The following IGF2BP3 variants were observed in gnomAD, a reference collection of about 807,000 sequenced individuals.
IGF2BP3 encodes the protein insulin-like growth factor 2 mRNA-binding protein 3.
IGF2BP3 carries 9 observed loss-of-function variants against 73.8 expected under a neutral mutation model. The ratio of observed to expected loss-of-function variants is 0.12; its 90% CI spans 0.07 to 0.21. The LOEUF is 0.21. Among genes scored for constraint, IGF2BP3 ranks in the 10% least tolerant of loss-of-function variants. IGF2BP3 has a pLI of 1.00. For synonymous variants in IGF2BP3, 258 were observed against 256.7 expected (o/e 1.01, Z -0.05); for missense variants, 542 against 714.0 (o/e 0.76, Z 2.75).
At chr7:23,314,140 C>T (rs1783909386) in intron 12 of IGF2BP3, among the ~76,000 whole-genome samples, 1 of 151,934 alleles carries the variant, frequency 6.6e-6, no homozygotes, top group South Asian at 2.1e-4. Flanking sequence ...CTACCTCAGC[C>T]TCCTGAGTAG....
rs756424235 is a variant in IGF2BP3 at position 23,351,457 on chromosome 7, C to T, written c.531G>A (p.Arg177=). 1 of 1,613,788 alleles carries T rather than the reference C, an allele frequency of 6.2e-7. No homozygotes were observed. Among genetic ancestry groups the T allele is most frequent in the South Asian group, 1.1e-5 (1 of 91,022 alleles). ...CTGGAGACCCCTGCCTTGAGGAGCC[C>T]CTCTGCCCAAGCCCCCGGCGACCTC... ...QPRGRRGLGQ[R]GSSRQGSPGS... is the part of the protein sequence containing the mutation. The change falls in exon 6 of 15, where the codon AGG becomes AGA. Residue 177 remains arginine (R), a synonymous_variant. Transcript: ENST00000258729.
intron 2 of IGF2BP3, among the ~76,000 whole-genome samples, chr7:23,458,171 C>A (rs1788364810): frequency 6.6e-6 from 1 of 152,120 alleles, no homozygotes; most frequent in Non-Finnish European, 1.5e-5. Context: ...ATTCTAACTT[C>A]CCAAGACCTC....
chr7:23,374,852 G>A (rs910046295), intron 3 of IGF2BP3, among the ~76,000 whole-genome samples: 1 of 152,088 alleles, frequency 6.6e-6, no homozygotes, highest in Non-Finnish European at 1.5e-5. Context: ...TTAAAGCTAG[G>A]TGTCTGGGGG....
rs1055617075 is a variant in IGF2BP3, at chr7:23,345,970, T to C, written c.911A>G (p.Gln304Arg). ...TATCGTGATTTTAGTGTCTGTGTCTTGCTCAATTTTTTTAAGATTTCTTCC... is the reference window on the plus strand; with the variant it reads ...TATCGTGATTTTAGTGTCTGTGTCTCGCTCAATTTTTTTAAGATTTCTTCC... ...KEGRNLKKIEQDTDTKITISP... is the reference protein window; with the variant it reads ...KEGRNLKKIERDTDTKITISP... Residue 304 changes from glutamine (Q) to arginine (R), a missense_variant, in exon 8 of 15, where the codon CAA (glutamine) becomes CGA (arginine). Coordinates refer to ENST00000258729, the MANE Select transcript of IGF2BP3 (RefSeq NM_006547.3). 1.3e-5 allele frequency: 21 copies of C among 1,613,232 alleles called. No individual in the cohort carries two copies. The highest frequency in any genetic ancestry group is 1.8e-4 in the Middle Eastern group (1 of 5,712).
chr7:23,399,270 C>A (rs940861321), intron 3 of IGF2BP3, among the ~76,000 whole-genome samples: 5 of 152,070 alleles, frequency 3.3e-5, no homozygotes, highest in African/African-American at 1.2e-4. Context: ...TTGATCTATA[C>A]CTCTGTTTTG....
At chr7:23,425,565 G>T (rs1418259896) in intron 2 of IGF2BP3, among the ~76,000 whole-genome samples, 1 of 151,892 alleles carries the variant, frequency 6.6e-6, no homozygotes, top group African/African-American at 2.4e-5. Context: ...GTAGAGATGG[G>T]GTCTCACTAC....
intron 10 of IGF2BP3, among the ~76,000 whole-genome samples, chr7:23,331,939 CG>C (rs1207186352): frequency 1.3e-5 from 2 of 151,170 alleles, no homozygotes; most frequent in African/African-American, 4.9e-5. Flanking sequence ...ACAATCGTGG[CG>C]GAAGACAAAT....
At chr7:23,337,144 A>G (rs969467866) in intron 10 of IGF2BP3, among the ~76,000 whole-genome samples, 3 of 152,310 alleles carry the variant, frequency 2.0e-5, no homozygotes, top group South Asian at 4.1e-4. Context: ...AGCTATTCCA[A>G]CTGAGTACTT....
chr7:23,354,860 A>G (rs1785052776), intron 5 of IGF2BP3, among the ~76,000 whole-genome samples: 1 of 152,160 alleles, frequency 6.6e-6, no homozygotes, highest in Non-Finnish European at 1.5e-5. Context: ...ATCTAAGCAG[A>G]GTTCCTAACC....
intron 3 of IGF2BP3, among the ~76,000 whole-genome samples, chr7:23,398,453 G>T (rs1786550635): frequency 6.6e-6 from 1 of 152,148 alleles, no homozygotes; most frequent in Non-Finnish European, 1.5e-5. Flanking sequence ...GGGTCAAATG[G>T]TATTTCTAGT....
intron 9 of IGF2BP3, among the ~76,000 whole-genome samples, chr7:23,343,081 G>T (rs1182928228): frequency 6.6e-6 from 1 of 152,078 alleles, no homozygotes; most frequent in Non-Finnish European, 1.5e-5. Context: ...TCCATTTTCA[G>T]CACCATTTCA....
At chr7:23,401,358 C>T (rs946411859) in intron 3 of IGF2BP3, among the ~76,000 whole-genome samples, 2 of 152,076 alleles carry the variant, frequency 1.3e-5, no homozygotes, top group Non-Finnish European at 2.9e-5. Flanking sequence ...CATGAACTGC[C>T]GGGAGTCTGA....
chr7:23,335,754 A>G (rs2128498952), intron 10 of IGF2BP3, among the ~76,000 whole-genome samples: 1 of 152,298 alleles, frequency 6.6e-6, no homozygotes, highest in East Asian at 1.9e-4. Flanking sequence ...TGCCAATCCA[A>G]CTGTATGCTG....
intron 2 of IGF2BP3, among the ~76,000 whole-genome samples, chr7:23,432,336 A>G (rs1327732801): frequency 1.3e-5 from 2 of 152,228 alleles, no homozygotes; most frequent in African/African-American, 4.8e-5. Flanking sequence ...AGAAGATTAA[A>G]TGTTCCTTGA....
intron 7 of IGF2BP3, among the ~76,000 whole-genome samples, chr7:23,346,394 A>G (rs1784828571): frequency 6.6e-6 from 1 of 152,228 alleles, no homozygotes; most frequent in Admixed American, 6.5e-5. Context: ...ATCCAGTACA[A>G]ATATACACCT....
intron 10 of IGF2BP3, 42 bp from the exon 11 acceptor site, chr7:23,319,296 C>A (rs1322880372): frequency 2.3e-6 from 3 of 1,313,930 alleles, no homozygotes; most frequent in Admixed American, 1.8e-5. Flanking sequence ...TTATTTGCTA[C>A]AAATCAGGCT....
intron 3 of IGF2BP3, among the ~76,000 whole-genome samples, chr7:23,408,234 A>C (rs1786907439): frequency 7.1e-6 from 1 of 141,684 alleles, no homozygotes; most frequent in African/African-American, 2.5e-5. Context: ...TAGACAGTAC[A>C]TTACAGCAAT....
chr7:23,420,477 CAAAAA>C (rs1271274050), intron 2 of IGF2BP3, among the ~76,000 whole-genome samples: 2 of 150,560 alleles, frequency 1.3e-5, no homozygotes, highest in African/African-American at 2.4e-5. Flanking sequence ...CAACCTGTCT[CAAAAA>C]GAAAAGAGAA....
At chr7:23,459,359 CTTCTAT>C (rs1377194500) in intron 2 of IGF2BP3, among the ~76,000 whole-genome samples, 3 of 152,094 alleles carry the variant, frequency 2.0e-5, no homozygotes, top group African/African-American at 7.2e-5. Context: ...CAAAAGATTT[CTTCTAT>C]TTCTTTTAGC....
Sources: gnomAD v4.1 joint callset for allele counts (sites outside exome capture counted in the v4.1 genomes callset) on GRCh38, gnomAD v4.1.1 for gene constraint, MANE v1.5 for transcripts, NCBI Gene and HGNC (gene_info 2026-07-23, HGNC 2026-07-21) for gene names.